The following NECAB1 variants were observed in gnomAD, a reference collection of about 807,000 sequenced individuals.
NECAB1 encodes N-terminal EF-hand calcium binding protein 1, also known as N-terminal EF-hand calcium-binding protein 1.
Under a neutral mutation model 57.5 loss-of-function variants are expected in NECAB1, and 29 were observed. That is an observed-to-expected ratio of 0.50 (90% CI 0.38 to 0.69). The LOEUF (loss-of-function observed/expected upper bound fraction) is 0.69. Among genes scored for constraint, NECAB1 ranks in the 30% least tolerant of loss-of-function variants. The pLI is 0.00. For missense variants in NECAB1, 372 were observed against 413.8 expected (o/e 0.90, Z 0.88); for synonymous variants, 142 against 147.7 (o/e 0.96, Z 0.28).
At chr8:90,949,146 TTGTGTGTGTGTGTGTGTGTGTG>T (rs59311652) in intron 10 of NECAB1, among the ~76,000 whole-genome samples, 18 of 129,968 alleles carry the variant, frequency 1.4e-4, no homozygotes, top group East Asian at 8.8e-4. Flanking sequence ...AACAGGCACT[TTGTGTGTGTGTGTGTGTGTGTG>T]TGTGTGTGTG....
intron 3 of NECAB1, among the ~76,000 whole-genome samples, chr8:90,870,500 A>C (rs1467135180): frequency 6.6e-6 from 1 of 152,176 alleles, no homozygotes; most frequent in Non-Finnish European, 1.5e-5. Context: ...TGCTCTTCAT[A>C]CTTTCAATTT....
At chr8:90,945,241 G>A (rs926644015) in intron 10 of NECAB1, among the ~76,000 whole-genome samples, 3 of 151,848 alleles carry the variant, frequency 2.0e-5, no homozygotes, top group Non-Finnish European at 4.4e-5. Context: ...CTAATTTTTT[G>A]TATTTTAGTA....
intron 3 of NECAB1, among the ~76,000 whole-genome samples, chr8:90,856,166 T>C (rs1812790652): frequency 6.6e-6 from 1 of 152,202 alleles, no homozygotes; most frequent in Non-Finnish European, 1.5e-5. Context: ...TTTTGGAGAC[T>C]CTGTTCAAGG....
chr8:90,880,719 C>T (rs1808821082), intron 4 of NECAB1, among the ~76,000 whole-genome samples: 1 of 152,096 alleles, frequency 6.6e-6, no homozygotes, highest in South Asian at 2.1e-4. Flanking sequence ...ATCTATAATA[C>T]TACATTGTCA....
At chr8:90,910,871 T>C (rs952455679) in intron 5 of NECAB1, among the ~76,000 whole-genome samples, 1 of 152,178 alleles carries the variant, frequency 6.6e-6, no homozygotes, top group Non-Finnish European at 1.5e-5. Flanking sequence ...CATAACCCAT[T>C]GTGTTCCTTT....
At position 90,956,174 on chromosome 8, in the gene NECAB1, A is replaced by G. The variant is rs551061293; in HGVS notation, c.*662A>G. 6.6e-5 allele frequency: 10 copies of G among 152,160 alleles called. No homozygotes were observed. The highest frequency in any genetic ancestry group is 1.9e-4 in the African/African-American group (8 of 41,564). The allele number at this position is 152,160 out of a possible 1,614,324, so 9.4% of individuals were successfully genotyped here. ...GAGTACCATTTAGTAATACAGCAAC[A>G]TTGTGTCATTTATTAGCATCATAAT... is the stretch of plus-strand genomic sequence containing the variant. On this transcript the variant is annotated 3_prime_UTR_variant, in exon 13 of 13. Transcript: ENST00000417640.
chr8:90,793,746 A>G (rs1811614891), intron 1 of NECAB1, among the ~76,000 whole-genome samples: 1 of 152,188 alleles, frequency 6.6e-6, no homozygotes, highest in Non-Finnish European at 1.5e-5. Flanking sequence ...ATTGAGATCA[A>G]GTGCTTCCCT....
intron 3 of NECAB1, among the ~76,000 whole-genome samples, chr8:90,830,241 G>C (rs1812281837): frequency 6.6e-6 from 1 of 152,092 alleles, no homozygotes; most frequent in African/African-American, 2.4e-5. Flanking sequence ...TAGTGGACAA[G>C]AGAGATCTCC....
intron 2 of NECAB1, among the ~76,000 whole-genome samples, chr8:90,802,137 C>G (rs971127557): frequency 6.6e-6 from 1 of 152,220 alleles, no homozygotes; most frequent in Non-Finnish European, 1.5e-5. Context: ...AGTCTGGACT[C>G]TCCACACTGA....
Position 90,801,729 on chromosome 8 carries a change from T to C in NECAB1, c.124+14T>C. ...CAGACAAAAATGGTAAGACCAAAAA[T>C]CTACAGTATCTATTTATTAATCTCT... On this transcript the variant is annotated intron_variant, in intron 2 of 12. Transcript: ENST00000417640. 6.7e-7 allele frequency: 1 copy of C among 1,484,346 alleles called. No homozygotes were observed. The highest frequency in any genetic ancestry group is 9.1e-7 in the Non-Finnish European group (1 of 1,095,366). 91.9% of individuals were successfully genotyped at this position (1,484,346 alleles called of 1,614,324 possible).
intron 10 of NECAB1, among the ~76,000 whole-genome samples, chr8:90,948,404 A>G (rs908422916): frequency 1.3e-5 from 2 of 152,190 alleles, no homozygotes; most frequent in African/African-American, 4.8e-5. Flanking sequence ...ACAACTGAAA[A>G]GAACACAAGC....
intron 5 of NECAB1, among the ~76,000 whole-genome samples, chr8:90,884,278 T>C (rs529119999): frequency 1.2e-3 from 190 of 152,328 alleles, no homozygotes; most frequent in African/African-American, 4.3e-3. Flanking sequence ...AGGATCTGTG[T>C]TGATTTTAGC....
chr8:90,842,082 A>G (rs1402515301), intron 3 of NECAB1, among the ~76,000 whole-genome samples: 2 of 152,152 alleles, frequency 1.3e-5, no homozygotes, highest in East Asian at 3.9e-4. Context: ...AAGCTAATGG[A>G]TGCTGGGCTT....
chr8:90,837,980 G>C (rs530445115), intron 3 of NECAB1, among the ~76,000 whole-genome samples: 1 of 152,026 alleles, frequency 6.6e-6, no homozygotes, highest in Non-Finnish European at 1.5e-5. Flanking sequence ...TTTATTGTGC[G>C]TAGAGCTAAT....
intron 4 of NECAB1, among the ~76,000 whole-genome samples, chr8:90,872,971 C>A (rs545615542): frequency 1.0e-3 from 156 of 152,248 alleles, no homozygotes; most frequent in African/African-American, 3.1e-3. Context: ...CTAATTCTTA[C>A]AGTTTCAGAA....
In NECAB1 at chr8:90,791,931, G is replaced by A. The variant is rs142780506; in HGVS notation, c.45G>A (p.Ser15=). Residue 15 remains serine (S), a synonymous_variant, in exon 1 of 13, where the codon TCG becomes TCA. Coordinates refer to ENST00000417640, the MANE Select transcript of NECAB1 (RefSeq NM_022351.5). ...QETSPSSNNS[S]EELSSALHLS... is the part of the protein sequence containing the mutation. ...CATCGCCGTCCTCCAACAACTCCTCGGAGGAGCTCAGCTCTGCTCTGCACC... is the reference window on the plus strand; with the variant it reads ...CATCGCCGTCCTCCAACAACTCCTCAGAGGAGCTCAGCTCTGCTCTGCACC... 1.0e-3 allele frequency: 1,602 copies of A among 1,552,636 alleles called. 13 individuals carry two copies. The African/African-American group carries it at 0.019, about 18-fold the overall frequency.
At chr8:90,809,031 G>A (rs531503418) in intron 2 of NECAB1, among the ~76,000 whole-genome samples, 1 of 152,254 alleles carries the variant, frequency 6.6e-6, no homozygotes, top group South Asian at 2.1e-4. Flanking sequence ...GTGCCCAGAG[G>A]TCTGTCCATG....
intron 2 of NECAB1, among the ~76,000 whole-genome samples, chr8:90,809,712 A>C (rs1811918916): frequency 6.6e-6 from 1 of 152,160 alleles, no homozygotes; most frequent in South Asian, 2.1e-4. Flanking sequence ...ATTTTGTTGT[A>C]ATATTGGTTA....
At chr8:90,937,887 A>G (rs534772649) in intron 9 of NECAB1, among the ~76,000 whole-genome samples, 12 of 152,226 alleles carry the variant, frequency 7.9e-5, no homozygotes, top group African/African-American at 2.4e-4. Flanking sequence ...ATACATTCCT[A>G]AGGGTTTGGG....
Sources: allele counts gnomAD v4.1 joint callset (sites outside exome capture counted in the v4.1 genomes callset), GRCh38; gene constraint gnomAD v4.1.1; transcripts MANE v1.5; gene names NCBI Gene and HGNC (gene_info 2026-07-23, HGNC 2026-07-21).